CDC42BPA: variants seen among roughly 807,000 people sequenced by gnomAD.
CDC42BPA encodes serine/threonine-protein kinase MRCK alpha.
Under a neutral mutation model 223.5 loss-of-function variants are expected in CDC42BPA, and 80 were observed. That is an observed-to-expected ratio of 0.36 (90% confidence interval 0.30 to 0.43). The LOEUF (loss-of-function observed/expected upper bound fraction) is 0.43, where lower values mean the gene tolerates loss of function less well. Ranked by LOEUF, CDC42BPA falls within the 20% of genes least tolerant of loss-of-function variation. CDC42BPA has a pLI of 1.00. For synonymous variants in CDC42BPA, 694 were observed against 718.6 expected, an observed-to-expected ratio of 0.97 and a Z score of 0.55; for missense variants, 1,743 against 2,099.9, an observed-to-expected ratio of 0.83 and a Z score of 3.32.
At chr1:227,187,651 A>T (rs1022480374) in intron 5 of CDC42BPA, among the ~76,000 whole-genome samples, 3 of 148,160 alleles carry the variant, frequency 2.0e-5, no homozygotes, top group Non-Finnish European at 3.0e-5. Context: ...AATTCAAAAA[A>T]TATCAAGAAG....
intron 11 of CDC42BPA, among the ~76,000 whole-genome samples, chr1:227,120,802 AAGTCAGCAAT>A (rs1688532655): frequency 6.6e-6 from 1 of 152,148 alleles, no homozygotes; most frequent in Non-Finnish European, 1.5e-5. Flanking sequence ...TTATTACTCT[AAGTCAGCAAT>A]ACCCAACCTT....
chr1:227,174,539 C>T (rs1469365047), intron 5 of CDC42BPA, among the ~76,000 whole-genome samples: 2 of 152,090 alleles, frequency 1.3e-5, no homozygotes, highest in African/African-American at 4.8e-5. Context: ...TATTTCCCCC[C>T]CAACAAATTC....
At chr1:227,024,755 C>G (rs189154849) in intron 31 of CDC42BPA, among the ~76,000 whole-genome samples, 75 of 152,198 alleles carry the variant, frequency 4.9e-4, no homozygotes, top group African/African-American at 1.8e-3. Context: ...TTTAGGGATA[C>G]TTAAATATGC....
In CDC42BPA at chr1:227,031,426, C is replaced by G. The variant is rs1419562894; in HGVS notation, c.3647G>C (p.Gly1216Ala). 1.9e-6 allele frequency: 3 copies of G among 1,613,950 alleles called. No homozygotes were observed. The highest frequency in any genetic ancestry group is 2.5e-6 in the Non-Finnish European group (3 of 1,179,930). ...AATCTTGTGCAATTCACTCAGCACT[C>G]CCACCCACTTATTCTTCTCATTCTC... ...DTENEKNKWV[G>A]VLSELHKILK... Residue 1216 changes from glycine (G) to alanine (A), a missense_variant, in exon 28 of 37, where the codon GGA becomes GCA. Transcript: ENST00000366766.
intron 5 of CDC42BPA, among the ~76,000 whole-genome samples, chr1:227,192,132 TTAA>T (rs1415949976): frequency 2.6e-5 from 4 of 152,160 alleles, no homozygotes; most frequent in African/African-American, 9.7e-5. Flanking sequence ...TAGTCTTCCT[TTAA>T]TAATGTCTTA....
At chr1:227,253,995 T>A in intron 2 of CDC42BPA, 69 bp downstream of exon 2, 1 of 844,234 alleles carries the variant, frequency 1.2e-6, no homozygotes, top group Non-Finnish European at 2.0e-6. Flanking sequence ...CTTGTTAAAT[T>A]CTCTCACAAT....
intron 22 of CDC42BPA, among the ~76,000 whole-genome samples, chr1:227,050,316 T>C (rs1249867875): frequency 1.3e-5 from 2 of 152,100 alleles, no homozygotes; most frequent in Admixed American, 6.6e-5. Context: ...TGTGTGACTG[T>C]GAGGTGAGGA....
intron 5 of CDC42BPA, among the ~76,000 whole-genome samples, chr1:227,187,445 A>G (rs1454802281): frequency 6.6e-6 from 1 of 151,252 alleles, no homozygotes; most frequent in Non-Finnish European, 1.5e-5. Flanking sequence ...TTGAGAATAT[A>G]ATAGAAACTT....
intron 11 of CDC42BPA, among the ~76,000 whole-genome samples, chr1:227,126,508 GAAGGAAGGAAGGTAAGA>G (rs750474860): frequency 0.028 from 3,219 of 113,760 alleles, 120 homozygotes; most frequent in African/African-American, 0.081. Context: ...AGGAAGGAAG[GAAGGAAGGAAGGTAAGA>G]AAGGAAAAAG....
chr1:227,259,898 CAAAACA>C (rs1007138462), intron 1 of CDC42BPA, among the ~76,000 whole-genome samples: 19 of 150,270 alleles, frequency 1.3e-4, no homozygotes, highest in South Asian at 2.1e-4. Context: ...TACTTCTTGG[CAAAACA>C]AAAACAAAAA....
At chr1:227,072,978 T>C (rs1050529575) in intron 19 of CDC42BPA, among the ~76,000 whole-genome samples, 12 of 152,140 alleles carry the variant, frequency 7.9e-5, no homozygotes, top group Non-Finnish European at 1.0e-4. Context: ...GCATTATTTA[T>C]AGCAAAAAGC....
intron 1 of CDC42BPA, among the ~76,000 whole-genome samples, chr1:227,294,229 G>A (rs780869489): frequency 1.6e-4 from 24 of 151,408 alleles, no homozygotes; most frequent in Middle Eastern, 3.2e-3. Context: ...CTGAGATCGC[G>A]CCACTGCACT....
rs575713806 is a variant in CDC42BPA, at chr1:227,080,873, A to C, written c.2480+20T>G. 106 of 1,612,764 alleles carry C rather than the reference A, an allele frequency of 6.6e-5. No homozygotes were observed. The South Asian group carries it at 9.6e-4, about 15-fold the overall frequency. ...CATACTCACAATCATCCACAAAAAAACGTTTAAAAGAGCACTCACCACTGA... is the reference window on the plus strand; with the variant it reads ...CATACTCACAATCATCCACAAAAAACCGTTTAAAAGAGCACTCACCACTGA... On this transcript the variant is annotated intron_variant, in intron 17 of 36. Transcript: ENST00000366766.
At chr1:227,183,700 G>A (rs1289756157) in intron 5 of CDC42BPA, among the ~76,000 whole-genome samples, 1 of 152,144 alleles carries the variant, frequency 6.6e-6, no homozygotes, top group Admixed American at 6.6e-5. Flanking sequence ...TGACTTGTCT[G>A]GGATAAATGC....
intron 35 of CDC42BPA, among the ~76,000 whole-genome samples, chr1:227,000,743 A>T (rs1662647472): frequency 6.6e-6 from 1 of 151,932 alleles, no homozygotes; most frequent in South Asian, 2.1e-4. Context: ...GATTTCCAGT[A>T]TGTTTTTTTC....
chr1:227,041,182 C>A (rs1044775650), intron 23 of CDC42BPA, among the ~76,000 whole-genome samples: 5 of 152,102 alleles, frequency 3.3e-5, no homozygotes, highest in Admixed American at 2.0e-4. Context: ...TTTGTGGGTA[C>A]ACGTGCAGGT....
chr1:227,144,832 C>T (rs746575314), intron 8 of CDC42BPA, among the ~76,000 whole-genome samples: 2 of 151,982 alleles, frequency 1.3e-5, no homozygotes, highest in Non-Finnish European at 2.9e-5. Context: ...AGAGCTATAC[C>T]ACGTCTGTGG....
intron 2 of CDC42BPA, among the ~76,000 whole-genome samples, chr1:227,243,770 A>G (rs1428005777): frequency 1.0e-4 from 14 of 136,128 alleles, no homozygotes; most frequent in African/African-American, 5.2e-4. Flanking sequence ...ACACACACAC[A>G]CACACACACA....
chr1:227,145,227 C>T (rs866272152), intron 8 of CDC42BPA, among the ~76,000 whole-genome samples: 8 of 152,052 alleles, frequency 5.3e-5, no homozygotes, highest in Admixed American at 1.3e-4. Flanking sequence ...TGTTCTCTTA[C>T]GAAGCTTAAT....
Sources: gnomAD v4.1 joint callset for allele counts (sites outside exome capture counted in the v4.1 genomes callset) on GRCh38, gnomAD v4.1.1 for gene constraint, MANE v1.5 for transcripts, NCBI Gene and HGNC (gene_info 2026-07-23, HGNC 2026-07-21) for gene names.